LY6G6F: variants seen among roughly 807,000 people sequenced by gnomAD.
LY6G6F encodes lymphocyte antigen 6 family member G6F, also known as lymphocyte antigen 6 complex locus protein G6f.
A neutral mutation model predicts 33.0 loss-of-function variants in LY6G6F; 26 were observed. The observed-to-expected ratio is 0.79, with a 90% CI of 0.58 to 1.09. The LOEUF (loss-of-function observed/expected upper bound fraction) is 1.09. Among genes scored for constraint, LY6G6F ranks in the 50% least tolerant of loss-of-function variants. The pLI is 0.00. For synonymous variants in LY6G6F, 132 were observed against 148.1 expected (o/e 0.89, Z 0.79); for missense variants, 317 against 372.0 (o/e 0.85, Z 1.22).
In LY6G6F at chr6:31,707,557, G is replaced by A. The variant is rs1480249883; in HGVS notation, c.152G>A (p.Cys51Tyr). Residue 51 changes from cysteine (C) to tyrosine (Y), a missense_variant, in exon 2 of 6, where the codon TGC becomes TAC. Coordinates refer to ENST00000375832, the MANE Select transcript of LY6G6F (RefSeq NM_001003693.3). This position sits in a 1 kb window ranked among gnomAD's most constrained non-coding sequence, Gnocchi z 4.1. ...GGGGACGAACACCTGTCATGGTTCT[G>A]CAGCCCTGCAGCAGGCTCCTTCACC... Reference protein sequence around the residue: ...LHGDEHLSWFCSPAAGSFTTL... With the variant: ...LHGDEHLSWFYSPAAGSFTTL... The A allele has an allele frequency of 1.2e-6, 2 of 1,613,950 alleles. No individual in the cohort carries two copies. Among genetic ancestry groups the A allele is most frequent in the African/African-American group, 2.7e-5 (2 of 74,932 alleles).
rs759982946 is a variant in LY6G6F at position 31,708,003 on chromosome 6, C to T, written c.515C>T (p.Ser172Phe). The T allele has an allele frequency of 1.9e-6, 3 of 1,612,990 alleles. No individual in the cohort carries two copies. Among genetic ancestry groups the T allele is most frequent in the Non-Finnish European group, 1.7e-6 (2 of 1,180,044 alleles). ...GGTCCCGTGAGGGGCCGTGTTCAGTCCTTCTGGGGCAGTGAGGCTGCCCTG... is the reference window on the plus strand; with the variant it reads ...GGTCCCGTGAGGGGCCGTGTTCAGTTCTTCTGGGGCAGTGAGGCTGCCCTG... The part of the protein sequence containing the change: ...GKGPVRGRVQ[S>F]FWGSEAALLL... The change falls in exon 3 of 6, where the codon TCC (serine) becomes TTC (phenylalanine). Residue 172 changes from serine to phenylalanine, a missense_variant. Physicochemically the swap from Ser to Phe is radical, Grantham distance 155. Transcript: ENST00000375832.
chr6:31,707,755 A>C lies in LY6G6F; in HGVS notation c.350A>C (p.Asn117Thr). ...CTAGGTCAGCACCACAACTACCAGA[A>C]CTGGAGGGTGTACGACGTCTTGGTG... Reference protein sequence around the residue: ...AVLGQHHNYQNWRVYDVLVLK... With the variant: ...AVLGQHHNYQTWRVYDVLVLK... The change falls in exon 2 of 6, where the codon AAC (asparagine) becomes ACC (threonine). Residue 117 changes from asparagine to threonine, a missense_variant. Physicochemically the swap from Asn to Thr is moderately conservative, Grantham distance 65 (BLOSUM62 0). Transcript: ENST00000375832. The surrounding 1 kb of genome is among the most constrained non-coding windows in gnomAD (Gnocchi z 4.1). The C allele has an allele frequency of 6.2e-7, 1 of 1,614,120 alleles. No individual in the cohort carries two copies. Among genetic ancestry groups the C allele is most frequent in the Non-Finnish European group, 8.5e-7 (1 of 1,179,940 alleles).
Position 31,708,057 on chromosome 6 carries a change from C to G in LY6G6F, c.569C>G (p.Ser190Cys). The change falls in exon 3 of 6, where the codon TCT (serine) becomes TGT (cysteine). Residue 190 changes from serine to cysteine, a missense_variant. Physicochemically the swap from Ser to Cys is moderately radical, Grantham distance 112 (BLOSUM62 -1). Coordinates refer to ENST00000375832, the MANE Select transcript of LY6G6F (RefSeq NM_001003693.3). ...TTGGTGTGTCCTGGGGAGGGGCTTT[C>G]TGAGCCCAGGAGCCGAAGACCAAGA... ...LLLVCPGEGL[S>C]EPRSRRPRII... 6.2e-7 allele frequency: 1 copy of G among 1,610,960 alleles called. No homozygotes were observed. Among genetic ancestry groups the G allele is most frequent in the East Asian group, 2.2e-5 (1 of 44,850 alleles).
chr6:31,710,200 G>C lies in LY6G6F; in HGVS notation c.802+19G>C. The C allele has an allele frequency of 6.2e-7, 1 of 1,607,736 alleles. No individual in the cohort carries two copies. Among genetic ancestry groups the C allele is most frequent in the Non-Finnish European group, 8.5e-7 (1 of 1,176,324 alleles). On this transcript the variant is annotated intron_variant, in intron 4 of 5. Transcript: ENST00000375832. The surrounding 1 kb of genome is among the most constrained non-coding windows in gnomAD (Gnocchi z 4.7). The stretch of plus-strand genomic sequence containing the variant: ...GGCAGAGGTGAGTCCCTCCCTCCCC[G>C]GGGAAAGAAGAGGGCACATGGGTGG...
intron 3 of LY6G6F, among the ~76,000 whole-genome samples, chr6:31,708,384 G>A (rs2151276461): frequency 6.6e-6 from 1 of 152,082 alleles, no homozygotes; most frequent in Admixed American, 6.5e-5. Context: ...ACAGGATCTT[G>A]CTATGTTGCC....
At chr6:31,709,859 C>T (rs908068087) in intron 3 of LY6G6F, among the ~76,000 whole-genome samples, 167 bp from the exon 4 acceptor site, 3 of 152,102 alleles carry the variant, frequency 2.0e-5, no homozygotes, top group African/African-American at 7.2e-5. Flanking sequence ...GGGTGAGAGG[C>T]CTGGAAAGGG....
intron 3 of LY6G6F, 138 bp downstream of exon 3, chr6:31,708,272 G>A: frequency 4.4e-6 from 5 of 1,126,760 alleles, no homozygotes; most frequent in Non-Finnish European, 6.1e-6. Flanking sequence ...TTTTGGCCAG[G>A]CTGGTATCAA....
At position 31,708,004 on chromosome 6, in the gene LY6G6F, C is replaced by A. The variant is rs768027586; in HGVS notation, c.516C>A (p.Ser172=). ...GKGPVRGRVQ[S]FWGSEAALLL... is the part of the protein sequence containing the mutation. ...GTCCCGTGAGGGGCCGTGTTCAGTC[C>A]TTCTGGGGCAGTGAGGCTGCCCTGC... is the stretch of plus-strand genomic sequence containing the variant. The change falls in exon 3 of 6, where the codon TCC becomes TCA. Residue 172 remains serine (S), a synonymous_variant. Transcript: ENST00000375832. 6.8e-6 allele frequency: 11 copies of A among 1,612,962 alleles called. No homozygotes were observed. Among genetic ancestry groups the A allele is most frequent in the South Asian group, 1.1e-5 (1 of 91,088 alleles).
rs779376644 is a variant in LY6G6F, at chr6:31,707,010, G to GACT, written c.52+56_52+58dup. ...TTAGCTATTTGCAAGGTTGGGGAGGGACTACTGCTCTTTCTCCTAGGAGCC... is the reference window on the plus strand; with the variant it reads ...TTAGCTATTTGCAAGGTTGGGGAGGGACTACTACTGCTCTTTCTCCTAGGAGCC... On this transcript the variant is annotated intron_variant, in intron 1 of 5. Coordinates refer to ENST00000375832, the MANE Select transcript of LY6G6F (RefSeq NM_001003693.3). This position sits in a 1 kb window ranked among gnomAD's most constrained non-coding sequence, Gnocchi z 4.1. 6.3e-7 allele frequency: 1 copy of GACT among 1,578,838 alleles called. No homozygotes were observed. Among genetic ancestry groups the GACT allele is most frequent in the Admixed American group, 1.7e-5 (1 of 59,950 alleles).
In LY6G6F at chr6:31,710,550, T is replaced by G; in HGVS notation, c.870-17T>G. ...AGTAGAGGTATCCTTAATCTGTCTC[T>G]CTGGAAAACCCCACAGCCCACCTGC... On this transcript the variant is annotated splice_polypyrimidine_tract_variant and intron_variant, in intron 5 of 5. Coordinates refer to ENST00000375832, the MANE Select transcript of LY6G6F (RefSeq NM_001003693.3). This position sits in a 1 kb window ranked among gnomAD's most constrained non-coding sequence, Gnocchi z 4.7. The G allele has an allele frequency of 1.2e-6, 2 of 1,614,072 alleles. No homozygotes were observed. The highest frequency in any genetic ancestry group is 2.2e-5 in the South Asian group (2 of 91,080).
At chr6:31,709,384 C>T (rs183857550) in intron 3 of LY6G6F, among the ~76,000 whole-genome samples, 42 of 151,694 alleles carry the variant, frequency 2.8e-4, no homozygotes, top group Middle Eastern at 6.8e-3. Context: ...CTCAGCCTCT[C>T]GAGTAGCTAG....
Position 31,707,327 on chromosome 6 carries a change from T to C in LY6G6F, c.53-131T>C. ...CCTGTCTTATTTTTGTAGCTGTCACTTGAGAAATGTGGTCACCAGCCAGGC... is the reference window on the plus strand; with the variant it reads ...CCTGTCTTATTTTTGTAGCTGTCACCTGAGAAATGTGGTCACCAGCCAGGC... On this transcript the variant is annotated intron_variant, in intron 1 of 5. Transcript: ENST00000375832. This position sits in a 1 kb window ranked among gnomAD's most constrained non-coding sequence, Gnocchi z 4.1. 1 of 758,290 alleles carries C rather than the reference T, an allele frequency of 1.3e-6. No homozygotes were observed. Among genetic ancestry groups the C allele is most frequent in the Non-Finnish European group, 2.2e-6 (1 of 463,540 alleles). The allele number at this position is 758,290 out of a possible 1,614,324, so 47.0% of individuals were successfully genotyped here.
chr6:31,707,069 A>C lies in LY6G6F; in HGVS notation c.52+111A>C, dbSNP rs990113049. Reference sequence around the variant, plus strand: ...GCATCTGACTCAAGAAGATAGAATTACCCCAACCAACCTCCTCCTGCCTCT... The same window carrying C: ...GCATCTGACTCAAGAAGATAGAATTCCCCCAACCAACCTCCTCCTGCCTCT... On this transcript the variant is annotated intron_variant, in intron 1 of 5. Coordinates refer to ENST00000375832, the MANE Select transcript of LY6G6F (RefSeq NM_001003693.3). The surrounding 1 kb of genome is among the most constrained non-coding windows in gnomAD (Gnocchi z 4.1). The C allele has an allele frequency of 3.3e-5, 38 of 1,134,842 alleles. No homozygotes were observed. The highest frequency in any genetic ancestry group is 3.7e-5 in the Admixed American group (2 of 53,726). The allele number at this position is 1,134,842 out of a possible 1,614,324, so 70.3% of individuals were successfully genotyped here.
rs758600267 is a variant in LY6G6F, at chr6:31,710,217, C to T, written c.802+36C>T. 6.2e-7 allele frequency: 1 copy of T among 1,607,626 alleles called. No individual in the cohort carries two copies. The highest frequency in any genetic ancestry group is 1.7e-5 in the Admixed American group (1 of 59,836). ...CCCTCCCCGGGGAAAGAAGAGGGCA[C>T]ATGGGTGGGAGGCAAAGGGCTAGGC... On this transcript the variant is annotated intron_variant, in intron 4 of 5. Coordinates refer to ENST00000375832, the MANE Select transcript of LY6G6F (RefSeq NM_001003693.3). This position sits in a 1 kb window ranked among gnomAD's most constrained non-coding sequence, Gnocchi z 4.7.
Position 31,707,034 on chromosome 6 carries a change from C to T in LY6G6F, c.52+76C>T. 1 of 1,489,800 alleles carries T rather than the reference C, an allele frequency of 6.7e-7. No homozygotes were observed. The highest frequency in any genetic ancestry group is 9.4e-7 in the Non-Finnish European group (1 of 1,067,214). 92.3% of individuals were successfully genotyped at this position (1,489,800 alleles called of 1,614,324 possible). ...GGACTACTGCTCTTTCTCCTAGGAG[C>T]CTGGCGAAGGCATCTGACTCAAGAA... On this transcript the variant is annotated intron_variant, in intron 1 of 5. Transcript: ENST00000375832. The surrounding 1 kb of genome is among the most constrained non-coding windows in gnomAD (Gnocchi z 4.1).
At chr6:31,709,064 C>CTTTTTT (rs71552074) in intron 3 of LY6G6F, among the ~76,000 whole-genome samples, 2 of 52,218 alleles carry the variant, frequency 3.8e-5, no homozygotes, top group African/African-American at 1.0e-4. Context: ...CACGCCTGGC[C>CTTTTTT]TTTTTTTTTT....
Position 31,708,117 on chromosome 6 carries a change from T to C in LY6G6F, c.629T>C (p.Val210Ala). The C allele has an allele frequency of 6.4e-7, 1 of 1,568,046 alleles. No individual in the cohort carries two copies. The highest frequency in any genetic ancestry group is 8.6e-7 in the Non-Finnish European group (1 of 1,156,802). ...TGCCTCATGACTCACAACAAAGGGG[T>C]CAGCTTTAGCCTGGCAGGTAAACTG... ...IRCLMTHNKG[V>A]SFSLAASIDA... is the part of the protein sequence containing the mutation. The change falls in exon 3 of 6, where the codon GTC (valine) becomes GCC (alanine). Residue 210 changes from valine (V) to alanine (A), a missense_variant. Coordinates refer to ENST00000375832, the MANE Select transcript of LY6G6F (RefSeq NM_001003693.3).
At chr6:31,708,176 C>G in intron 3 of LY6G6F, 42 bp downstream of exon 3, 1 of 1,505,880 alleles carries the variant, frequency 6.6e-7, no homozygotes, top group Non-Finnish European at 8.9e-7. Context: ...TCTTTCACTT[C>G]AGCCTCCCAA....
At position 31,710,289 on chromosome 6, in the gene LY6G6F, G is replaced by C. The variant is rs988548000; in HGVS notation, c.803-63G>C. 6.2e-7 allele frequency: 1 copy of C among 1,612,970 alleles called. No individual in the cohort carries two copies. Among genetic ancestry groups the C allele is most frequent in the Non-Finnish European group, 8.5e-7 (1 of 1,179,966 alleles). Reference sequence around the variant, plus strand: ...CACCTCCTCTAGGGGAGGGGGCGAGGAACACGGCTCTAAGTTGTCTGCTGA... The same window carrying C: ...CACCTCCTCTAGGGGAGGGGGCGAGCAACACGGCTCTAAGTTGTCTGCTGA... On this transcript the variant is annotated intron_variant, in intron 4 of 5. Coordinates refer to ENST00000375832, the MANE Select transcript of LY6G6F (RefSeq NM_001003693.3). This position sits in a 1 kb window ranked among gnomAD's most constrained non-coding sequence, Gnocchi z 4.7.
Sources: gnomAD v4.1 joint callset for allele counts (sites outside exome capture counted in the v4.1 genomes callset) on GRCh38, gnomAD v4.1.1 for gene constraint, Gnocchi (gnomAD v3.1) non-coding constraint, MANE v1.5 for transcripts, NCBI Gene and HGNC (gene_info 2026-07-23, HGNC 2026-07-21) for gene names.